Variants in RIMS1 observed in about 807,000 individuals in gnomAD.
RIMS1 encodes regulating synaptic membrane exocytosis 1.
A neutral mutation model predicts 214.1 loss-of-function variants in RIMS1; 83 were observed. That is an observed-to-expected ratio of 0.39 (90% CI 0.32 to 0.47). RIMS1 has a LOEUF of 0.47. RIMS1 is among the 20% of genes least tolerant of loss of function. The pLI is 0.99. For synonymous variants in RIMS1, 793 were observed against 786.8 expected (o/e 1.01, Z -0.13); for missense variants, 2,050 against 2,161.8 (o/e 0.95, Z 1.03).
chr6:72,025,123 C>T lies in RIMS1; in HGVS notation c.245+56060C>T, dbSNP rs376497501. ...TTCACCATGTTGGCCAGGCTGGTCT[C>T]GAACTCCTGACCTCAAGTGATCTGC... On this transcript the variant is annotated intron_variant, in intron 2 of 33. Coordinates refer to ENST00000521978, the MANE Select transcript of RIMS1 (RefSeq NM_014989.7). 3.3e-5 allele frequency among the ~76,000 whole-genome samples: 5 copies of T among 152,096 alleles called. No individual in the cohort carries two copies. The South Asian group carries it at 8.3e-4, about 25-fold the overall frequency.
At chr6:71,921,185 G>A (rs1023664822) in intron 1 of RIMS1, among the ~76,000 whole-genome samples, 2 of 152,046 alleles carry the variant, frequency 1.3e-5, no homozygotes. Context: ...CTGGAGTGCA[G>A]TCTCAGCTCA....
chr6:71,924,807 C>CA (rs10652071), intron 1 of RIMS1, among the ~76,000 whole-genome samples: 11,593 of 61,646 alleles, frequency 0.19, 976 homozygotes, highest in South Asian at 0.31. Context: ...ACCCTGTCTC[C>CA]AAAAAAAAAA....
chr6:71,980,481 A>T (rs1254769832), intron 2 of RIMS1, among the ~76,000 whole-genome samples: 1 of 152,118 alleles, frequency 6.6e-6, no homozygotes, highest in Non-Finnish European at 1.5e-5. Flanking sequence ...TTTGAAAAGC[A>T]TATTTGGCCA....
chr6:72,209,168 G>T (rs1009842540), intron 6 of RIMS1, among the ~76,000 whole-genome samples: 16 of 152,180 alleles, frequency 1.1e-4, no homozygotes, highest in Non-Finnish European at 2.2e-4. Flanking sequence ...AACTTAATTT[G>T]AATTTGAATT....
At chr6:72,334,546 G>A (rs1034488902) in intron 29 of RIMS1, among the ~76,000 whole-genome samples, 1 of 151,750 alleles carries the variant, frequency 6.6e-6, no homozygotes, top group African/African-American at 2.4e-5. Context: ...TGGCCAGACA[G>A]ATTAGATTAT....
chr6:72,162,896 G>T (rs1324101602), intron 4 of RIMS1, among the ~76,000 whole-genome samples: 3 of 138,794 alleles, frequency 2.2e-5, no homozygotes, highest in Non-Finnish European at 4.9e-5. Context: ...GAGTATCTTT[G>T]TGTCATTCTC....
chr6:72,305,935 C>A (rs928351307), intron 26 of RIMS1, among the ~76,000 whole-genome samples: 21 of 152,214 alleles, frequency 1.4e-4, no homozygotes, highest in African/African-American at 4.8e-4. Context: ...AAACACTTAG[C>A]CACAAATTCC....
At chr6:72,353,185 A>G (rs1437504230) in intron 29 of RIMS1, among the ~76,000 whole-genome samples, 3 of 151,756 alleles carry the variant, frequency 2.0e-5, no homozygotes, top group African/African-American at 4.8e-5. Flanking sequence ...GGGTTTCACC[A>G]TGTTGGTCAG....
chr6:72,119,797 C>T (rs892514352), intron 4 of RIMS1, among the ~76,000 whole-genome samples: 3 of 151,604 alleles, frequency 2.0e-5, no homozygotes, highest in African/African-American at 4.8e-5. Flanking sequence ...TGCTATCCTT[C>T]CCCCACTCCC....
chr6:71,986,159 A>G (rs963134809), intron 2 of RIMS1, among the ~76,000 whole-genome samples: 3 of 149,240 alleles, frequency 2.0e-5, no homozygotes, highest in African/African-American at 7.4e-5. Context: ...ACTTAACTTG[A>G]TGTCAAGAAA....
At chr6:71,912,874 T>C (rs2150621643) in intron 1 of RIMS1, among the ~76,000 whole-genome samples, 1 of 152,300 alleles carries the variant, frequency 6.6e-6, no homozygotes, top group Non-Finnish European at 1.5e-5. Context: ...GATGTTTCAG[T>C]ATTATTTTGC....
chr6:72,315,579 T>C (rs1015152459), intron 28 of RIMS1, among the ~76,000 whole-genome samples: 3 of 152,164 alleles, frequency 2.0e-5, no homozygotes, highest in Non-Finnish European at 4.4e-5. Context: ...TTAGGAAGAA[T>C]AGAGAGAAAA....
chr6:72,261,183 T>G, intron 19 of RIMS1: 1 of 1,018,328 alleles, frequency 9.8e-7, no homozygotes, highest in Non-Finnish European at 1.2e-6. Context: ...GTTTTAGCCT[T>G]TTTTAATTTC....
intron 4 of RIMS1, among the ~76,000 whole-genome samples, chr6:72,136,887 T>G (rs533908359): frequency 6.6e-6 from 1 of 152,226 alleles, no homozygotes; most frequent in South Asian, 2.1e-4. Context: ...TTACCAAAAA[T>G]TAACAACACT....
At chr6:71,959,069 T>C (rs1484759426) in intron 1 of RIMS1, among the ~76,000 whole-genome samples, 1 of 152,108 alleles carries the variant, frequency 6.6e-6, no homozygotes, top group Non-Finnish European at 1.5e-5. Context: ...AAAAGAGGCC[T>C]GTGACCTCTT....
In RIMS1 at chr6:72,265,005, T is replaced by C; in HGVS notation, c.3147T>C (p.Pro1049=). ...RHLVRHYKTL[P]PKMPLLQSSS... The stretch of plus-strand genomic sequence containing the variant: ...TTGTTAGGCACTATAAAACATTACC[T>C]CCCAAGATGCCTTTATTACAGAGCA... The change falls in exon 20 of 34, where the codon CCT becomes CCC. Residue 1049 remains proline, a synonymous_variant. Coordinates refer to ENST00000521978, the MANE Select transcript of RIMS1 (RefSeq NM_014989.7). 1 of 1,597,806 alleles carries C rather than the reference T, an allele frequency of 6.3e-7. No individual in the cohort carries two copies. The highest frequency in any genetic ancestry group is 8.5e-7 in the Non-Finnish European group (1 of 1,170,664).
At chr6:72,189,296 A>G (rs541963786) in intron 6 of RIMS1, among the ~76,000 whole-genome samples, 3 of 152,326 alleles carry the variant, frequency 2.0e-5, no homozygotes, top group South Asian at 2.1e-4. Flanking sequence ...CCACTGTTCT[A>G]TCAATCCAGC....
intron 2 of RIMS1, among the ~76,000 whole-genome samples, chr6:72,073,460 T>G (rs9342920): frequency 6.6e-6 from 1 of 151,998 alleles, no homozygotes. Flanking sequence ...ATTCAAAATG[T>G]GAGCCAAAAA....
intron 4 of RIMS1, among the ~76,000 whole-genome samples, chr6:72,138,310 G>C (rs528483496): frequency 6.6e-6 from 1 of 152,046 alleles, no homozygotes; most frequent in Non-Finnish European, 1.5e-5. Flanking sequence ...TCTTGGTAAC[G>C]TTACAGAGTA....
Sources: gnomAD v4.1 joint callset for allele counts (sites outside exome capture counted in the v4.1 genomes callset) on GRCh38, gnomAD v4.1.1 for gene constraint, MANE v1.5 for transcripts, NCBI Gene and HGNC (gene_info 2026-07-23, HGNC 2026-07-21) for gene names.